The following IPMK variants were observed in gnomAD, a reference collection of about 807,000 sequenced individuals.
IPMK encodes the protein inositol polyphosphate multikinase, also known as inositol 1,3,4,6-tetrakisphosphate 5-kinase.
Under a neutral mutation model 45.8 loss-of-function variants are expected in IPMK, and 17 were observed. That is an observed-to-expected ratio of 0.37 (90% CI 0.25 to 0.56). The LOEUF (loss-of-function observed/expected upper bound fraction) is 0.56, where lower values mean the gene tolerates loss of function less well. IPMK is among the 20% of genes least tolerant of loss of function. The pLI is 0.79. For synonymous variants in IPMK, 180 were observed against 184.3 expected, an observed-to-expected ratio of 0.98 and a Z score of 0.19; for missense variants, 399 against 498.0, an observed-to-expected ratio of 0.80 and a Z score of 1.89.
intron 2 of IPMK, among the ~76,000 whole-genome samples, chr10:58,230,873 C>A (rs898723371): frequency 1.3e-5 from 2 of 152,112 alleles, no homozygotes; most frequent in Non-Finnish European, 2.9e-5. Flanking sequence ...TAATAACAAA[C>A]TTCTCCGAGC....
chr10:58,235,409 A>G (rs548888960), intron 2 of IPMK, among the ~76,000 whole-genome samples: 143 of 152,348 alleles, frequency 9.4e-4, no homozygotes, highest in Admixed American at 8.9e-3. Context: ...AAGACTTGGA[A>G]CCAACCCAAA....
At chr10:58,237,867 C>T in intron 1 of IPMK, 53 bp from the exon 2 acceptor site, 1 of 1,312,448 alleles carries the variant, frequency 7.6e-7, no homozygotes, top group South Asian at 1.2e-5. Context: ...GTAAACCTTG[C>T]TTCATTAAAT....
Position 58,253,631 on chromosome 10 carries a change from G to A in IPMK, c.190+13791C>T, listed in dbSNP as rs138738506. Among the ~76,000 whole-genome samples, 192 of 151,472 alleles carry A rather than the reference G, an allele frequency of 1.3e-3. No individual in the cohort carries two copies. In the Middle Eastern group the frequency reaches 0.024, roughly 19 times the overall value. ...CATGCACTTGTAGTCCCAGCTACTC[G>A]GGAGGCTGAGGCGGGAGAATGCTTG... On this transcript the variant is annotated intron_variant, in intron 1 of 5. Transcript: ENST00000373935.
chr10:58,211,771 A>T (rs891173858), intron 4 of IPMK, among the ~76,000 whole-genome samples: 73 of 145,412 alleles, frequency 5.0e-4, no homozygotes, highest in African/African-American at 1.7e-3. Context: ...AAATCAGCCA[A>T]GTGTAGTGGC....
At chr10:58,199,424 C>T in intron 4 of IPMK, 103 bp from the exon 5 acceptor site, 1 of 600,494 alleles carries the variant, frequency 1.7e-6, no homozygotes, top group Non-Finnish European at 2.7e-6. Flanking sequence ...TCAGGTAATT[C>T]ATTCTAATAG....
Position 58,196,520 on chromosome 10 carries a change from A to C in IPMK, c.807T>G (p.Asn269Lys), listed in dbSNP as rs372263875. ...AAAACTTTTCTGCCAAAGTTCTGTC[A>C]TTCAATTTTGTAGTGGTTGGCTGAG... ...GSSQPTTTKL[N>K]DRTLAEKFLS... Residue 269 changes from asparagine to lysine, a missense_variant, in exon 6 of 6, where the codon AAT becomes AAG. Physicochemically the swap from Asn to Lys is moderately conservative, Grantham distance 94. This residue lies in a region of IPMK where 288 missense variants were observed against 398.0 expected (regional missense o/e 0.72). Transcript: ENST00000373935. 15 of 1,613,924 alleles carry C rather than the reference A, an allele frequency of 9.3e-6. No homozygotes were observed. The highest frequency in any genetic ancestry group is 2.2e-5 in the East Asian group (1 of 44,886).
intron 4 of IPMK, among the ~76,000 whole-genome samples, chr10:58,206,673 T>C (rs971389520): frequency 2.0e-4 from 31 of 152,144 alleles, no homozygotes; most frequent in African/African-American, 7.0e-4. Context: ...AGGTGGTTTT[T>C]TTGTTACATG....
At chr10:58,206,728 C>T (rs1015824806) in intron 4 of IPMK, among the ~76,000 whole-genome samples, 3 of 152,080 alleles carry the variant, frequency 2.0e-5, no homozygotes, top group Non-Finnish European at 4.4e-5. Context: ...GTGCACCTGT[C>T]ACCCAAGCAG....
rs771444616 is a variant in IPMK, at chr10:58,194,837, CAAAT to C, written c.*1235_*1238del. 10 of 151,748 alleles carry C rather than the reference CAAAT, an allele frequency of 6.6e-5. No individual in the cohort carries two copies. Among genetic ancestry groups the C allele is most frequent in the Non-Finnish European group, 1.3e-4 (9 of 67,778 alleles). The allele number at this position is 151,748 out of a possible 1,614,324, so 9.4% of individuals were successfully genotyped here. A position where few individuals can be genotyped will look rare whatever the true frequency, so the allele number is the denominator to read the frequency against. On this transcript the variant is annotated 3_prime_UTR_variant, in exon 6 of 6. Transcript: ENST00000373935. ...TCAAAGTTTTAAATGTTTTAAATGA[CAAAT>C]AACTAGTTGATTTTTTTTTAAGGTG... is the stretch of plus-strand genomic sequence containing the variant.
At chr10:58,266,035 A>C (rs923450126) in intron 1 of IPMK, among the ~76,000 whole-genome samples, 2 of 152,226 alleles carry the variant, frequency 1.3e-5, no homozygotes, top group African/African-American at 4.8e-5. Context: ...CAGAAACCCC[A>C]TGAGTACTCT....
intron 1 of IPMK, among the ~76,000 whole-genome samples, chr10:58,266,416 A>C (rs1301076000): frequency 6.6e-6 from 1 of 152,242 alleles, no homozygotes; most frequent in Non-Finnish European, 1.5e-5. Context: ...TCAAAGGAAG[A>C]ACTCTTGGTT....
chr10:58,196,641 C>T lies in IPMK; in HGVS notation c.686G>A (p.Ser229Asn). The T allele has an allele frequency of 6.2e-7, 1 of 1,613,008 alleles. No homozygotes were observed. The highest frequency in any genetic ancestry group is 8.5e-7 in the Non-Finnish European group (1 of 1,179,542). Reference sequence around the variant, plus strand: ...CAGAATTTTCTCAATCTTCTGAATACTGGCAGCAACAGCATCTTTTCTTAA... The same window carrying T: ...CAGAATTTTCTCAATCTTCTGAATATTGGCAGCAACAGCATCTTTTCTTAA... ...YCLRKDAVAASIQKIEKILQW... is the reference protein window; with the variant it reads ...YCLRKDAVAANIQKIEKILQW... The change falls in exon 6 of 6, where the codon AGT (serine) becomes AAT (asparagine). Residue 229 changes from serine to asparagine, a missense_variant. Physicochemically the swap from Ser to Asn is conservative, Grantham distance 46. Around this residue, in one of 2 missense-constraint regions of IPMK, gnomAD observed 288 missense variants for 398.0 expected, o/e 0.72. Coordinates refer to ENST00000373935, the MANE Select transcript of IPMK (RefSeq NM_152230.5).
At chr10:58,203,985 C>G (rs1434871553) in intron 4 of IPMK, among the ~76,000 whole-genome samples, 1 of 152,210 alleles carries the variant, frequency 6.6e-6, no homozygotes, top group African/African-American at 2.4e-5. Context: ...CAAAAGGAAA[C>G]AACTCACTGA....
At chr10:58,264,870 G>T (rs998752744) in intron 1 of IPMK, among the ~76,000 whole-genome samples, 7 of 152,106 alleles carry the variant, frequency 4.6e-5, no homozygotes, top group African/African-American at 1.7e-4. Context: ...TAAAAAAACA[G>T]AACCGCGCTA....
chr10:58,250,921 A>G (rs1044133857), intron 1 of IPMK, among the ~76,000 whole-genome samples: 1 of 152,202 alleles, frequency 6.6e-6, no homozygotes, highest in South Asian at 2.1e-4. Context: ...TTCAGCATCT[A>G]TTGAAATAAT....
At chr10:58,249,049 A>G (rs1027077209) in intron 1 of IPMK, among the ~76,000 whole-genome samples, 5 of 152,244 alleles carry the variant, frequency 3.3e-5, no homozygotes, top group Non-Finnish European at 7.3e-5. Flanking sequence ...TATATTCAGA[A>G]GCAGGAATGC....
intron 4 of IPMK, among the ~76,000 whole-genome samples, chr10:58,203,715 A>T (rs1021355276): frequency 1.3e-5 from 2 of 152,228 alleles, no homozygotes; most frequent in African/African-American, 4.8e-5. Context: ...GACAATGAAC[A>T]ATTTAGAATA....
chr10:58,211,913 A>AT (rs1554823033), intron 4 of IPMK, among the ~76,000 whole-genome samples: 4 of 150,790 alleles, frequency 2.7e-5, no homozygotes, highest in African/African-American at 9.8e-5. Context: ...AAAAAAAAAA[A>AT]AAAAAAAAAA....
intron 5 of IPMK, among the ~76,000 whole-genome samples, chr10:58,198,338 T>C (rs1837939681): frequency 6.6e-6 from 1 of 152,198 alleles, no homozygotes; most frequent in African/African-American, 2.4e-5. Context: ...CTATGCCTAT[T>C]TTATCATACT....
Sources: allele counts gnomAD v4.1 joint callset (sites outside exome capture counted in the v4.1 genomes callset), GRCh38; gene constraint gnomAD v4.1.1; regional missense constraint gnomAD v4.1.1; transcripts MANE v1.5; gene names NCBI Gene and HGNC (gene_info 2026-07-23, HGNC 2026-07-21).